Variants in IGSF21 observed in about 807,000 individuals in gnomAD.
IGSF21 encodes immunoglobulin superfamily member 21.
A neutral mutation model predicts 46.8 loss-of-function variants in IGSF21; 28 were observed. The ratio of observed to expected loss-of-function variants is 0.60; its 90% CI spans 0.44 to 0.82. The LOEUF (loss-of-function observed/expected upper bound fraction) is 0.82. Among genes scored for constraint, IGSF21 ranks in the 40% least tolerant of loss-of-function variants. The pLI, the probability that IGSF21 is intolerant of heterozygous loss-of-function variation, is 0.00. For missense variants in IGSF21, 624 were observed against 665.5 expected, an observed-to-expected ratio of 0.94 and a Z score of 0.69; for synonymous variants, 284 against 273.6, an observed-to-expected ratio of 1.04 and a Z score of -0.38.
intron 1 of IGSF21, among the ~76,000 whole-genome samples, chr1:18,221,786 G>C (rs907913275): frequency 6.6e-6 from 1 of 152,142 alleles, no homozygotes; most frequent in African/African-American, 2.4e-5. Flanking sequence ...CTGAAAGACA[G>C]AGCTCCGTCT....
intron 1 of IGSF21, among the ~76,000 whole-genome samples, chr1:18,128,579 G>A (rs532110936): frequency 2.0e-5 from 3 of 152,128 alleles, no homozygotes; most frequent in African/African-American, 7.2e-5. Context: ...GGGGAGACCC[G>A]AGGAAAGAGC....
Position 18,197,451 on chromosome 1 carries a change from G to A in IGSF21, c.71-30447G>A, listed in dbSNP as rs116715179. Among the ~76,000 whole-genome samples the A allele has an allele frequency of 7.1e-3, 1,084 of 152,304 alleles. 13 individuals carry two copies. The highest frequency in any genetic ancestry group is 0.025 in the African/African-American group (1,019 of 41,558). On this transcript the variant is annotated intron_variant, in intron 1 of 9. Transcript: ENST00000251296. ...AACTTTTCTGGTCCTTGGAAATCTCGCTCCATAATTATCATCCCACAAATG... is the reference window on the plus strand; with the variant it reads ...AACTTTTCTGGTCCTTGGAAATCTCACTCCATAATTATCATCCCACAAATG...
intron 2 of IGSF21, among the ~76,000 whole-genome samples, chr1:18,257,130 G>C (rs1473901543): frequency 1.3e-5 from 2 of 152,170 alleles, no homozygotes; most frequent in Non-Finnish European, 2.9e-5. Flanking sequence ...GGGCAGTCAA[G>C]CAAATTATAC....
intron 1 of IGSF21, among the ~76,000 whole-genome samples, chr1:18,116,135 C>T (rs1294799242): frequency 6.6e-6 from 1 of 152,202 alleles, no homozygotes; most frequent in Non-Finnish European, 1.5e-5. Context: ...TTGATTTGCA[C>T]ATCTCTTCCC....
At chr1:18,186,109 C>A (rs1041432561) in intron 1 of IGSF21, among the ~76,000 whole-genome samples, 1 of 152,054 alleles carries the variant, frequency 6.6e-6, no homozygotes, top group African/African-American at 2.4e-5. Context: ...CTTTGAAGCT[C>A]CCCAGAAGCC....
intron 1 of IGSF21, among the ~76,000 whole-genome samples, chr1:18,131,005 G>A (rs1373911964): frequency 2.6e-5 from 4 of 152,344 alleles, no homozygotes; most frequent in Admixed American, 1.3e-4. Flanking sequence ...TTTGAGGTCC[G>A]CCTAGGCGGC....
chr1:18,260,568 A>T (rs76210783), intron 2 of IGSF21, among the ~76,000 whole-genome samples: 7 of 152,238 alleles, frequency 4.6e-5, no homozygotes, highest in Non-Finnish European at 1.0e-4. Context: ...ACTTTCAATT[A>T]CATGCAAATT....
intron 2 of IGSF21, among the ~76,000 whole-genome samples, chr1:18,282,979 C>T (rs2085177439): frequency 6.6e-6 from 1 of 152,238 alleles, no homozygotes; most frequent in African/African-American, 2.4e-5. Flanking sequence ...CACCCATACT[C>T]CGTTGAACAC....
chr1:18,120,358 C>G (rs1165561141), intron 1 of IGSF21, among the ~76,000 whole-genome samples: 1 of 152,156 alleles, frequency 6.6e-6, no homozygotes, highest in Admixed American at 6.5e-5. Context: ...GGAGAAATAC[C>G]CCAACTTTAC....
chr1:18,172,306 A>C (rs896284527), intron 1 of IGSF21, among the ~76,000 whole-genome samples: 2 of 152,232 alleles, frequency 1.3e-5, no homozygotes, highest in South Asian at 4.1e-4. Context: ...TTCCTGGAGC[A>C]AGGCACTTAT....
At chr1:18,207,618 G>T (rs1173193716) in intron 1 of IGSF21, among the ~76,000 whole-genome samples, 1 of 152,226 alleles carries the variant, frequency 6.6e-6, no homozygotes, top group Non-Finnish European at 1.5e-5. Flanking sequence ...TTTGCATGAT[G>T]AAGGATTTAA....
chr1:18,179,045 G>T (rs1412405350), intron 1 of IGSF21: 1 of 152,260 alleles, frequency 6.6e-6, no homozygotes, highest in Non-Finnish European at 1.5e-5. Context: ...AAGGGTGGGG[G>T]ACTCACCAAT....
chr1:18,332,502 T>C (rs2085723797), intron 3 of IGSF21, among the ~76,000 whole-genome samples: 1 of 150,954 alleles, frequency 6.6e-6, no homozygotes, highest in Admixed American at 6.6e-5. Flanking sequence ...GAGTCTCTTT[T>C]TTTTTTTTTT....
chr1:18,273,456 T>TTCTCTCTC (rs376410871), intron 2 of IGSF21, among the ~76,000 whole-genome samples: 1 of 86,666 alleles, frequency 1.2e-5, no homozygotes, highest in African/African-American at 5.3e-5. Flanking sequence ...CTTTCTTTCT[T>TTCTCTCTC]TCTCTCTCTT....
chr1:18,135,507 C>T (rs150209627), intron 1 of IGSF21, among the ~76,000 whole-genome samples: 16,041 of 149,978 alleles, frequency 0.11, 1,118 homozygotes, highest in Non-Finnish European at 0.15. Context: ...TGAGAACATG[C>T]GGTGTTTGGT....
At chr1:18,364,301 A>G (rs766403644) in intron 5 of IGSF21, among the ~76,000 whole-genome samples, 1 of 152,060 alleles carries the variant, frequency 6.6e-6, no homozygotes, top group Non-Finnish European at 1.5e-5. Flanking sequence ...AAATGGGGGA[A>G]AAAAAACCAA....
chr1:18,286,707 G>A (rs1218105007), intron 2 of IGSF21, among the ~76,000 whole-genome samples: 1 of 152,142 alleles, frequency 6.6e-6, no homozygotes, highest in African/African-American at 2.4e-5. Context: ...GGCTGTCCTG[G>A]GGCCAGTCTG....
At chr1:18,345,674 G>A (rs657983) in intron 4 of IGSF21, among the ~76,000 whole-genome samples, 47,515 of 152,142 alleles carry the variant, frequency 0.31, 7,468 homozygotes, top group South Asian at 0.42. Flanking sequence ...GTGAGCCACC[G>A]CACCCGGCTA....
Position 18,163,797 on chromosome 1 carries a change from C to G in IGSF21, c.70+55599C>G, listed in dbSNP as rs557964742. ...CCCACCAATGTCTTCTCTGACTTCA[C>G]TGTGTCTTCACAGCCTAGGGGCACT... On this transcript the variant is annotated intron_variant, in intron 1 of 9. Coordinates refer to ENST00000251296, the MANE Select transcript of IGSF21 (RefSeq NM_032880.5). Among the ~76,000 whole-genome samples, 3 of 152,342 alleles carry G rather than the reference C, an allele frequency of 2.0e-5. No individual in the cohort carries two copies. In the South Asian group the frequency reaches 6.2e-4, roughly 32 times the overall value.
Sources: allele counts gnomAD v4.1 joint callset (sites outside exome capture counted in the v4.1 genomes callset), GRCh38; gene constraint gnomAD v4.1.1; transcripts MANE v1.5; gene names NCBI Gene and HGNC (gene_info 2026-07-23, HGNC 2026-07-21).